CCDC148: variants seen among roughly 807,000 people sequenced by gnomAD.
CCDC148 encodes coiled-coil domain-containing protein 148.
CCDC148 carries 89 observed loss-of-function variants against 85.7 expected under a neutral mutation model. That is an observed-to-expected ratio of 1.04 (90% CI 0.87 to 1.24). CCDC148 has a LOEUF of 1.24. Among genes scored for constraint, CCDC148 ranks in the 50% most tolerant of loss-of-function variants. CCDC148 has a pLI of 0.00. For synonymous variants in CCDC148, 230 were observed against 213.9 expected (o/e 1.08, Z -0.66); for missense variants, 692 against 671.7 (o/e 1.03, Z -0.33).
rs1205169097 is a variant in CCDC148, at chr2:158,220,695, T to C, written c.1270A>G (p.Lys424Glu). ...KKKKIKKYWA[K>E]KKQKWQEMEM... ...ATTTCTTGCCACTTCTGTTTTTTCT[T>C]GGCCCAGTATTTTTTTATCTATTGT... The change falls in exon 11 of 14, where the codon AAG becomes GAG. Residue 424 changes from lysine to glutamate, a missense_variant. By Grantham distance (56) the Lys-to-Glu change is moderately conservative. Coordinates refer to ENST00000283233, the MANE Select transcript of CCDC148 (RefSeq NM_138803.4). 6.3e-7 allele frequency: 1 copy of C among 1,582,980 alleles called. No homozygotes were observed. The highest frequency in any genetic ancestry group is 8.5e-7 in the Non-Finnish European group (1 of 1,171,792).
intron 9 of CCDC148, among the ~76,000 whole-genome samples, chr2:158,260,411 T>C (rs910014063): frequency 1.3e-5 from 2 of 151,840 alleles, no homozygotes; most frequent in Admixed American, 6.6e-5. Flanking sequence ...ATCATATTGA[T>C]TGGGCAAAAG....
chr2:158,303,687 G>C (rs1487864966), intron 9 of CCDC148, among the ~76,000 whole-genome samples: 1 of 152,104 alleles, frequency 6.6e-6, no homozygotes. Flanking sequence ...TTTATGTTCT[G>C]ATTTCCCCCA....
chr2:158,269,537 A>G (rs983956331), intron 9 of CCDC148, among the ~76,000 whole-genome samples: 22 of 152,324 alleles, frequency 1.4e-4, no homozygotes, highest in Admixed American at 9.2e-4. Flanking sequence ...GAAATGCAAG[A>G]AAGTTTATAC....
chr2:158,356,420 G>A (rs936531739), intron 2 of CCDC148, among the ~76,000 whole-genome samples: 1 of 146,460 alleles, frequency 6.8e-6, no homozygotes, highest in Non-Finnish European at 1.5e-5. Flanking sequence ...AGTGGGCGAA[G>A]GACATGAACA....
chr2:158,250,089 A>T (rs945580059), intron 10 of CCDC148, among the ~76,000 whole-genome samples: 1 of 152,080 alleles, frequency 6.6e-6, no homozygotes, highest in African/African-American at 2.4e-5. Flanking sequence ...TTTTATGGCA[A>T]ATTTCATAAT....
At chr2:158,354,736 G>C (rs1683530078) in intron 2 of CCDC148, among the ~76,000 whole-genome samples, 2 of 151,326 alleles carry the variant, frequency 1.3e-5, no homozygotes, top group African/African-American at 2.4e-5. Flanking sequence ...TATGAGGCCA[G>C]CATCATTCTG....
rs1490650235 is a variant in CCDC148, at chr2:158,316,517, TC to T, written c.765-2624del. Among the ~76,000 whole-genome samples, 7 of 152,310 alleles carry T rather than the reference TC, an allele frequency of 4.6e-5. No homozygotes were observed. The South Asian group carries it at 6.2e-4, about 14-fold the overall frequency. ...GAAGCCTCACATCCCAACAGTTTTT[TC>T]CAGTTACCAAAATTACTCAAATTGC... On this transcript the variant is annotated intron_variant, in intron 7 of 13. Coordinates refer to ENST00000283233, the MANE Select transcript of CCDC148 (RefSeq NM_138803.4).
chr2:158,219,860 C>T (rs1359126761), intron 11 of CCDC148, among the ~76,000 whole-genome samples: 1 of 152,180 alleles, frequency 6.6e-6, no homozygotes, highest in African/African-American at 2.4e-5. Context: ...CGTGTTTCTT[C>T]CAAGGGAACC....
At chr2:158,325,368 T>C (rs558014262) in intron 7 of CCDC148, among the ~76,000 whole-genome samples, 4 of 152,298 alleles carry the variant, frequency 2.6e-5, no homozygotes, top group East Asian at 1.9e-4. Context: ...TCCTCTTCAC[T>C]TGCCTTCCAG....
intron 11 of CCDC148, among the ~76,000 whole-genome samples, chr2:158,190,929 A>G (rs752456059): frequency 3.9e-5 from 6 of 152,008 alleles, no homozygotes; most frequent in African/African-American, 7.2e-5. Context: ...CACAAATACT[A>G]AAAGAGGCAT....
intron 9 of CCDC148, among the ~76,000 whole-genome samples, chr2:158,290,401 G>A (rs945479556): frequency 2.3e-4 from 35 of 152,078 alleles, no homozygotes; most frequent in Admixed American, 2.0e-3. Context: ...CCTACAGTTC[G>A]ACTGTTTAGC....
chr2:158,440,505 C>A (rs1420735292), intron 1 of CCDC148, among the ~76,000 whole-genome samples: 1 of 152,030 alleles, frequency 6.6e-6, no homozygotes, highest in Non-Finnish European at 1.5e-5. Flanking sequence ...CATTCAAGAC[C>A]CCCAGTGGAT....
chr2:158,261,007 A>AG lies in CCDC148; in HGVS notation c.1111-10096_1111-10095insC, dbSNP rs1329873633. ...CAATGATATGCTTCACAGAACTAAA[A>AG]AAACTATTTTAAAATTTATATGAAA... On this transcript the variant is annotated intron_variant, in intron 9 of 13. Transcript: ENST00000283233. 2.6e-5 allele frequency among the ~76,000 whole-genome samples: 4 copies of AG among 151,900 alleles called. No individual in the cohort carries two copies. In the East Asian group the frequency reaches 5.8e-4, roughly 22 times the overall value.
intron 2 of CCDC148, among the ~76,000 whole-genome samples, chr2:158,353,283 A>T (rs1378032264): frequency 7.3e-6 from 1 of 137,818 alleles, no homozygotes; most frequent in East Asian, 2.1e-4. Context: ...CAGACTGGCA[A>T]ATTGGATAAA....
intron 1 of CCDC148, among the ~76,000 whole-genome samples, chr2:158,449,796 C>T (rs1036460787): frequency 2.6e-5 from 4 of 152,140 alleles, no homozygotes; most frequent in Non-Finnish European, 5.9e-5. Context: ...GTGGTATGGC[C>T]ATATACTTTA....
chr2:158,334,587 G>C (rs554672226), intron 7 of CCDC148, among the ~76,000 whole-genome samples: 1 of 98,114 alleles, frequency 1.0e-5, no homozygotes, highest in Middle Eastern at 5.2e-3. Context: ...CGCACCTGGA[G>C]GTCACTGAGT....
At chr2:158,374,404 T>C (rs973275189) in intron 1 of CCDC148, among the ~76,000 whole-genome samples, 3 of 152,014 alleles carry the variant, frequency 2.0e-5, no homozygotes, top group Non-Finnish European at 4.4e-5. Flanking sequence ...TAATGTAGTT[T>C]TACCTCCAAC....
chr2:158,201,689 G>A (rs1161601743), intron 11 of CCDC148, among the ~76,000 whole-genome samples: 3 of 152,118 alleles, frequency 2.0e-5, no homozygotes, highest in African/African-American at 7.2e-5. Context: ...TGGGATTACA[G>A]GTGTGAGCCA....
intron 9 of CCDC148, among the ~76,000 whole-genome samples, chr2:158,263,339 C>G (rs141942076): frequency 1.4e-3 from 217 of 152,100 alleles, no homozygotes; most frequent in African/African-American, 5.1e-3. Context: ...ATTGCAATGG[C>G]TGGCACAGTA....
Sources: gnomAD v4.1 joint callset for allele counts (sites outside exome capture counted in the v4.1 genomes callset) on GRCh38, gnomAD v4.1.1 for gene constraint, MANE v1.5 for transcripts, NCBI Gene and HGNC (gene_info 2026-07-23, HGNC 2026-07-21) for gene names.